Variants in SYNDIG1L observed in about 807,000 individuals in gnomAD.
SYNDIG1L encodes the protein synapse differentiation inducing 1 like.
SYNDIG1L carries 13 observed loss-of-function variants against 20.1 expected under a neutral mutation model. The observed-to-expected ratio is 0.65, with a 90% confidence interval of 0.42 to 1.03. The LOEUF is 1.03. Ranked by LOEUF, SYNDIG1L falls within the 50% of genes least tolerant of loss-of-function variation. SYNDIG1L has a pLI of 0.00. For missense variants in SYNDIG1L, 294 were observed against 305.1 expected, an observed-to-expected ratio of 0.96 and a Z score of 0.27; for synonymous variants, 128 against 129.3, an observed-to-expected ratio of 0.99 and a Z score of 0.07.
At chr14:74,466,096 G>C in the SYNDIG1L span, among the ~76,000 whole-genome samples, 2 of 152,148 alleles carry the variant, frequency 1.3e-5, no homozygotes, top group Admixed American at 6.5e-5. Flanking sequence ...CTTCCCATTC[G>C]GCCAGCCAGG....
chr14:74,459,166 G>A, the SYNDIG1L span, among the ~76,000 whole-genome samples: 1 of 152,012 alleles, frequency 6.6e-6, no homozygotes, highest in Non-Finnish European at 1.5e-5. Context: ...AAAGTCCCTG[G>A]GTCATTGTGT....
chr14:74,472,531 T>C, the SYNDIG1L span, among the ~76,000 whole-genome samples: 4 of 152,222 alleles, frequency 2.6e-5, no homozygotes, highest in African/African-American at 9.6e-5. Flanking sequence ...AATGGAAATG[T>C]TGTCTCTCCC....
chr14:74,407,796 C>T (rs2086095671), intron 3 of SYNDIG1L, 53 bp downstream of exon 3: 3 of 1,580,472 alleles, frequency 1.9e-6, no homozygotes, highest in Non-Finnish European at 2.6e-6. Context: ...GATGCCAAGC[C>T]CTCCAGTAGA....
chr14:74,469,414 A>G, the SYNDIG1L span, among the ~76,000 whole-genome samples: 2 of 151,612 alleles, frequency 1.3e-5, no homozygotes, highest in Non-Finnish European at 2.9e-5. Context: ...AGAAATACCT[A>G]ATGTAAATGA....
At chr14:74,444,529 T>C in the SYNDIG1L span, among the ~76,000 whole-genome samples, 5 of 151,890 alleles carry the variant, frequency 3.3e-5, no homozygotes, top group East Asian at 7.8e-4. Flanking sequence ...GATGGGCAGA[T>C]TGCTTGAGCC....
chr14:74,437,179 C>A, the SYNDIG1L span, among the ~76,000 whole-genome samples: 5 of 152,192 alleles, frequency 3.3e-5, no homozygotes, highest in Non-Finnish European at 7.3e-5. Flanking sequence ...AAGGCCCTTG[C>A]AGCTCTGATG....
the SYNDIG1L span, among the ~76,000 whole-genome samples, chr14:74,461,416 T>C: frequency 6.6e-6 from 1 of 152,202 alleles, no homozygotes; most frequent in African/African-American, 2.4e-5. Context: ...AGAAATTCCA[T>C]CAATATCCTG....
chr14:74,469,368 C>T, the SYNDIG1L span, among the ~76,000 whole-genome samples: 3 of 87,620 alleles, frequency 3.4e-5, no homozygotes, highest in Admixed American at 1.8e-4. Flanking sequence ...CGGGGTCTGT[C>T]GTGGGGCGGG....
At chr14:74,464,013 CAG>C in the SYNDIG1L span, among the ~76,000 whole-genome samples, 3 of 152,214 alleles carry the variant, frequency 2.0e-5, no homozygotes, top group Non-Finnish European at 4.4e-5. Flanking sequence ...GAGCTGGGCT[CAG>C]AGACCAATTC....
chr14:74,420,183 G>T (rs2086209994), intron 1 of SYNDIG1L, among the ~76,000 whole-genome samples: 1 of 151,964 alleles, frequency 6.6e-6, no homozygotes, highest in Non-Finnish European at 1.5e-5. Flanking sequence ...GATGACTTGA[G>T]GTCAGGAGTT....
At chr14:74,418,296 T>C (rs2086193424) in intron 1 of SYNDIG1L, among the ~76,000 whole-genome samples, 1 of 152,134 alleles carries the variant, frequency 6.6e-6, no homozygotes, top group Admixed American at 6.5e-5. Flanking sequence ...GAGCCAGGGG[T>C]GGCGAGGGGG....
At chr14:74,419,368 T>C (rs1347297727) in intron 1 of SYNDIG1L, among the ~76,000 whole-genome samples, 2 of 152,212 alleles carry the variant, frequency 1.3e-5, no homozygotes, top group African/African-American at 4.8e-5. Context: ...TTGCGTGGCA[T>C]ATACTAGGCA....
the SYNDIG1L span, among the ~76,000 whole-genome samples, chr14:74,437,789 T>C: frequency 1.3e-5 from 2 of 152,198 alleles, no homozygotes; most frequent in African/African-American, 4.8e-5. Flanking sequence ...CTCTCTTTAG[T>C]AGGAAAAGCT....
At chr14:74,417,573 G>A (rs999706343) in intron 1 of SYNDIG1L, among the ~76,000 whole-genome samples, 4 of 152,152 alleles carry the variant, frequency 2.6e-5, no homozygotes, top group Non-Finnish European at 4.4e-5. Context: ...AAATGAAGCC[G>A]GTTATTATTA....
chr14:74,437,158 A>G, the SYNDIG1L span, among the ~76,000 whole-genome samples: 1 of 152,212 alleles, frequency 6.6e-6, no homozygotes. Context: ...TGCCTCCAGC[A>G]TATAAGCTCT....
the SYNDIG1L span, among the ~76,000 whole-genome samples, chr14:74,447,206 A>T: frequency 4.3e-4 from 66 of 152,360 alleles, 1 homozygote; most frequent in Admixed American, 2.3e-3. Flanking sequence ...AATAAGCAAA[A>T]TCATAGATAA....
the SYNDIG1L span, among the ~76,000 whole-genome samples, chr14:74,436,101 C>T: frequency 3.3e-5 from 5 of 152,002 alleles, no homozygotes; most frequent in Non-Finnish European, 7.4e-5. Flanking sequence ...CCAGCAAAGA[C>T]GGGATGATTT....
At chr14:74,440,958 T>G in the SYNDIG1L span, among the ~76,000 whole-genome samples, 3 of 152,136 alleles carry the variant, frequency 2.0e-5, no homozygotes, top group South Asian at 6.2e-4. Flanking sequence ...TCTCAATGTC[T>G]CTGAACCTCA....
chr14:74,423,286 C>A (rs561534181), intron 1 of SYNDIG1L, among the ~76,000 whole-genome samples: 2 of 152,296 alleles, frequency 1.3e-5, no homozygotes, highest in East Asian at 3.9e-4. Context: ...GGGGTGTCCA[C>A]CCAAACAGCT....
Sources: gnomAD v4.1 joint callset for allele counts (sites outside exome capture counted in the v4.1 genomes callset) on GRCh38, gnomAD v4.1.1 for gene constraint, MANE v1.5 for transcripts, NCBI Gene and HGNC (gene_info 2026-07-23, HGNC 2026-07-21) for gene names.